Variants in LPP observed in about 807,000 individuals in gnomAD.
The protein encoded by LPP is LIM domain containing preferred translocation partner in lipoma, also known as lipoma-preferred partner.
LPP carries 38 observed loss-of-function variants against 60.4 expected under a neutral mutation model. The ratio of observed to expected loss-of-function variants is 0.63; its 90% CI spans 0.49 to 0.83. The LOEUF is 0.83. Among genes scored for constraint, LPP ranks in the 40% least tolerant of loss-of-function variants. The pLI, the probability that LPP is intolerant of heterozygous loss-of-function variation, is 0.00. For synonymous variants in LPP, 328 were observed against 290.8 expected (o/e 1.13, Z -1.30); for missense variants, 902 against 783.6 (o/e 1.15, Z -1.80).
intron 4 of LPP, among the ~76,000 whole-genome samples, chr3:188,474,917 T>C (rs1802787140): frequency 6.6e-6 from 1 of 152,248 alleles, no homozygotes; most frequent in African/African-American, 2.4e-5. Context: ...ATTACTATGT[T>C]TTTGTAAAAC....
intron 2 of LPP, among the ~76,000 whole-genome samples, chr3:188,292,352 G>A (rs1449705009): frequency 1.3e-5 from 2 of 152,206 alleles, no homozygotes; most frequent in African/African-American, 4.8e-5. Context: ...TTTTTGGACT[G>A]TGTGAAAACT....
At chr3:188,562,126 A>G (rs1007772945) in intron 6 of LPP, 4 of 151,994 alleles carry the variant, frequency 2.6e-5, no homozygotes, top group African/African-American at 9.7e-5. Flanking sequence ...GGGTCTCCTG[A>G]CGACCTATAC....
chr3:188,192,823 G>A lies in LPP; in HGVS notation c.-189-32582G>A, dbSNP rs1358083665. 4.6e-5 allele frequency among the ~76,000 whole-genome samples: 7 copies of A among 152,290 alleles called. No homozygotes were observed. The South Asian group carries it at 6.2e-4, about 14-fold the overall frequency. ...GTTGTGACAAAAACTGGAGGTGTCCGTATCCTGTTCTGCAAAACGAGGACA... is the reference window on the plus strand; with the variant it reads ...GTTGTGACAAAAACTGGAGGTGTCCATATCCTGTTCTGCAAAACGAGGACA... On this transcript the variant is annotated intron_variant, in intron 1 of 11. Transcript: ENST00000617246.
intron 2 of LPP, among the ~76,000 whole-genome samples, chr3:188,323,130 TC>T (rs1275981071): frequency 6.6e-6 from 1 of 152,144 alleles, no homozygotes; most frequent in African/African-American, 2.4e-5. Context: ...GGTAGACTCA[TC>T]TCTGTACTGC....
chr3:188,167,900 C>T (rs913577376), intron 1 of LPP, among the ~76,000 whole-genome samples: 2 of 152,070 alleles, frequency 1.3e-5, no homozygotes, highest in Non-Finnish European at 1.5e-5. Flanking sequence ...TTTGTCTTTG[C>T]TAAATTAATA....
intron 2 of LPP, among the ~76,000 whole-genome samples, chr3:188,271,681 CA>C (rs1174687396): frequency 2.0e-5 from 3 of 152,160 alleles, no homozygotes; most frequent in Non-Finnish European, 4.4e-5. Flanking sequence ...TGTCTTGTTG[CA>C]AAAGTTTGCA....
At chr3:188,298,465 T>TA (rs1394567852) in intron 2 of LPP, among the ~76,000 whole-genome samples, 1 of 152,188 alleles carries the variant, frequency 6.6e-6, no homozygotes, top group Non-Finnish European at 1.5e-5. Context: ...TGTTCTCACC[T>TA]AAGTCTGTGG....
chr3:188,733,566 A>T lies in LPP; in HGVS notation c.1240+25173A>T, dbSNP rs74927019. ...TCTAGTTTCATTTCTTTTCATGAGG[A>T]CTTTATTCCAAGATAATTCAATTTT... On this transcript the variant is annotated intron_variant, in intron 8 of 11. Coordinates refer to ENST00000617246, the MANE Select transcript of LPP (RefSeq NM_001375462.1). Among the ~76,000 whole-genome samples, 976 of 152,188 alleles carry T rather than the reference A, an allele frequency of 6.4e-3. 24 individuals carry two copies. In the East Asian group the frequency reaches 0.082, roughly 13 times the overall value.
In LPP at chr3:188,887,052, ATT is replaced by A. The variant is rs1770765925; in HGVS notation, c.*12574_*12575del. The A allele has an allele frequency of 4.3e-6, 1 of 230,570 alleles. No homozygotes were observed. Among genetic ancestry groups the A allele is most frequent in the South Asian group, 1.8e-4 (1 of 5,500 alleles). The allele number at this position is 230,570 out of a possible 1,614,324, so 14.3% of individuals were successfully genotyped here. The stretch of plus-strand genomic sequence containing the variant: ...AACTATTCTTGGTCATTATTGATGT[ATT>A]GTGTTGCCACTTTGTATGGTGCCTG... On this transcript the variant is annotated 3_prime_UTR_variant, in exon 12 of 12. Transcript: ENST00000617246.
intron 7 of LPP, among the ~76,000 whole-genome samples, chr3:188,678,556 A>G (rs1858655967): frequency 6.6e-6 from 1 of 152,248 alleles, no homozygotes; most frequent in African/African-American, 2.4e-5. Flanking sequence ...CTCAAATGGC[A>G]GGAAGGAGAG....
intron 2 of LPP, among the ~76,000 whole-genome samples, chr3:188,251,673 G>A (rs577468447): frequency 6.6e-6 from 1 of 152,078 alleles, no homozygotes; most frequent in African/African-American, 2.4e-5. Flanking sequence ...TGCTTATGGT[G>A]CTCCTCCTTC....
At chr3:188,244,671 T>C (rs898766627) in intron 2 of LPP, among the ~76,000 whole-genome samples, 1 of 152,190 alleles carries the variant, frequency 6.6e-6, no homozygotes, top group African/African-American at 2.4e-5. Context: ...GTATGATTGT[T>C]TGTTGTAGAG....
rs1365785515 is a variant in LPP at position 188,182,792 on chromosome 3, A to G, written c.-190+28540A>G. Among the ~76,000 whole-genome samples the G allele has an allele frequency of 6.7e-6, 1 of 150,348 alleles. No homozygotes were observed. Among genetic ancestry groups the G allele is most frequent in the African/African-American group, 2.4e-5 (1 of 41,024 alleles). ...ATATGTGCATATATAATATATGTAC[A>G]TATACAATATATGCACATATATAAT... is the stretch of plus-strand genomic sequence containing the variant. On this transcript the variant is annotated intron_variant, in intron 1 of 11. Coordinates refer to ENST00000617246, the MANE Select transcript of LPP (RefSeq NM_001375462.1). This position sits in a 1 kb window ranked among gnomAD's most constrained non-coding sequence, Gnocchi z 4.4.
At chr3:188,657,281 T>TATATATATATATATATATATATATATATA (rs10529848) in intron 7 of LPP, among the ~76,000 whole-genome samples, 3 of 143,574 alleles carry the variant, frequency 2.1e-5, no homozygotes, top group Non-Finnish European at 4.6e-5. Context: ...TATATATATA[T>TATATATATATATATATATATATATATATA]TTCCAAAAGC....
At chr3:188,179,056 GA>G (rs1724017688) in intron 1 of LPP, 7 of 316,860 alleles carry the variant, frequency 2.2e-5, no homozygotes, top group Non-Finnish European at 3.8e-5. Flanking sequence ...GAGAGAGAGA[GA>G]GAGAGAGAGT....
At chr3:188,601,714 G>T (rs1025960905) in intron 6 of LPP, among the ~76,000 whole-genome samples, 1 of 152,086 alleles carries the variant, frequency 6.6e-6, no homozygotes, top group African/African-American at 2.4e-5. Context: ...AGCCCTAAAT[G>T]ATTCTGTTGT....
At chr3:188,728,810 A>G (rs1334871407) in intron 8 of LPP, among the ~76,000 whole-genome samples, 1 of 152,112 alleles carries the variant, frequency 6.6e-6, no homozygotes, top group Non-Finnish European at 1.5e-5. Flanking sequence ...ATATTTATGC[A>G]GAGCCTATGA....
chr3:188,662,354 G>C (rs1854775731), intron 7 of LPP, among the ~76,000 whole-genome samples: 1 of 152,132 alleles, frequency 6.6e-6, no homozygotes, highest in African/African-American at 2.4e-5. Flanking sequence ...TTAAGATTTG[G>C]GAGAGTCAGA....
At chr3:188,810,611 A>G (rs1337473318) in intron 9 of LPP, among the ~76,000 whole-genome samples, 1 of 152,164 alleles carries the variant, frequency 6.6e-6, no homozygotes, top group Non-Finnish European at 1.5e-5. Flanking sequence ...ATAAGTATGT[A>G]TGTATAGGAA....
Sources: gnomAD v4.1 joint callset for allele counts (sites outside exome capture counted in the v4.1 genomes callset) on GRCh38, gnomAD v4.1.1 for gene constraint, Gnocchi (gnomAD v3.1) non-coding constraint, MANE v1.5 for transcripts, NCBI Gene and HGNC (gene_info 2026-07-23, HGNC 2026-07-21) for gene names.